Variants in ZNF142 observed in about 807,000 individuals in gnomAD.
ZNF142 encodes zinc finger protein 142, also known as zinc finger protein 142 (clone pHZ-49).
Under a neutral mutation model 132.1 loss-of-function variants are expected in ZNF142, and 96 were observed. The ratio of observed to expected loss-of-function variants is 0.73; its 90% CI spans 0.62 to 0.86. The LOEUF (loss-of-function observed/expected upper bound fraction) is 0.86. ZNF142 is among the 40% of genes least tolerant of loss of function. ZNF142 has a pLI of 0.00. For missense variants in ZNF142, 2,163 were observed against 2,336.2 expected (o/e 0.93, Z 1.53); for synonymous variants, 842 against 890.1 (o/e 0.95, Z 0.96).
In ZNF142 at chr2:218,634,793, A is replaced by C. The variant is rs1300580760; in HGVS notation, c.*3546T>G. Among the ~76,000 whole-genome samples the C allele has an allele frequency of 1.3e-5, 2 of 152,162 alleles. No homozygotes were observed. The highest frequency in any genetic ancestry group is 4.8e-5 in the African/African-American group (2 of 41,438). Reference sequence around the variant, plus strand: ...GCCTAGCTTCAAACCACAACTTCCTAATTGGGTAATGTTGGGCAAGTTCCT... The same window carrying C: ...GCCTAGCTTCAAACCACAACTTCCTCATTGGGTAATGTTGGGCAAGTTCCT... On this transcript the variant is annotated 3_prime_UTR_variant, in exon 11 of 11. Coordinates refer to ENST00000411696, the MANE Select transcript of ZNF142 (RefSeq NM_001379659.1). The surrounding 1 kb of genome is among the most constrained non-coding windows in gnomAD (Gnocchi z 4.0).
In ZNF142 at chr2:218,643,263, C is replaced by G. The variant is rs1158027469; in HGVS notation, c.3853G>C (p.Glu1285Gln). ...DSAPPKNGST[E>Q]SSSGDGDTVL... ...GTATCCCCATCACCAGAGCTGGACT[C>G]TGTACTCCCATTCTTCGGGGGAGCA... Residue 1285 changes from glutamate to glutamine, a missense_variant, in exon 9 of 11, where the codon GAG (glutamate) becomes CAG (glutamine). Glu to Gln is a conservative substitution (Grantham distance 29). Around this residue, in one of 7 missense-constraint regions of ZNF142, gnomAD observed 809 missense variants for 801.7 expected, o/e 1.01. Coordinates refer to ENST00000411696, the MANE Select transcript of ZNF142 (RefSeq NM_001379659.1). 43 of 1,614,124 alleles carry G rather than the reference C, an allele frequency of 2.7e-5. No individual in the cohort carries two copies. The highest frequency in any genetic ancestry group is 3.6e-5 in the Non-Finnish European group (43 of 1,180,050).
At chr2:218,653,762 T>C (rs954201256) in intron 4 of ZNF142, among the ~76,000 whole-genome samples, 3 of 152,198 alleles carry the variant, frequency 2.0e-5, no homozygotes, top group Non-Finnish European at 4.4e-5. Context: ...TACTTTCTTA[T>C]CCAGTTCATG....
At chr2:218,651,436 G>GA (rs1455852626) in intron 5 of ZNF142, among the ~76,000 whole-genome samples, 1 of 152,210 alleles carries the variant, frequency 6.6e-6, no homozygotes, top group African/African-American at 2.4e-5. Flanking sequence ...GATCATTAGA[G>GA]AATATTGGTT....
In ZNF142 at chr2:218,642,223, G is replaced by C; in HGVS notation, c.4893C>G (p.Phe1631Leu). The change falls in exon 9 of 11, where the codon TTC becomes TTG. Residue 1631 changes from phenylalanine to leucine, a missense_variant. Phe to Leu is a conservative substitution (Grantham distance 22, BLOSUM62 0). Coordinates refer to ENST00000411696, the MANE Select transcript of ZNF142 (RefSeq NM_001379659.1). The surrounding 1 kb of genome is among the most constrained non-coding windows in gnomAD (Gnocchi z 4.6). ...QPPLHCPFCDFTCRHQLVLDH... is the reference protein window; with the variant it reads ...QPPLHCPFCDLTCRHQLVLDH... ...CTAGTACCAGCTGATGGCGGCATGT[G>C]AAGTCACAAAAGGGGCAGTGTAGCG... is the stretch of plus-strand genomic sequence containing the variant. 2.5e-6 allele frequency: 4 copies of C among 1,614,224 alleles called. No individual in the cohort carries two copies. Among genetic ancestry groups the C allele is most frequent in the Non-Finnish European group, 3.4e-6 (4 of 1,180,040 alleles).
At chr2:218,650,596 C>G in intron 5 of ZNF142, 70 bp from the exon 6 acceptor site, 1 of 1,403,014 alleles carries the variant, frequency 7.1e-7, no homozygotes, top group South Asian at 1.6e-5. Context: ...TACTTCTCTA[C>G]CTACTGGCTG....
At position 218,635,677 on chromosome 2, in the gene ZNF142, T is replaced by C. The variant is rs1696688472; in HGVS notation, c.*2662A>G. On this transcript the variant is annotated 3_prime_UTR_variant, in exon 11 of 11. Coordinates refer to ENST00000411696, the MANE Select transcript of ZNF142 (RefSeq NM_001379659.1). ...GCAGATAGAATACTAGAAGAAAATA[T>C]ATTACCCATGGAGGATGTTTTACAA... The C allele has an allele frequency of 1.6e-5, 22 of 1,350,154 alleles. No individual in the cohort carries two copies. The South Asian group carries it at 3.4e-4, about 21-fold the overall frequency. 83.6% of individuals were successfully genotyped at this position (1,350,154 alleles called of 1,614,324 possible). A position where few individuals can be genotyped will look rare whatever the true frequency, so the allele number is the denominator to read the frequency against.
intron 7 of ZNF142, among the ~76,000 whole-genome samples, 194 bp downstream of exon 7, chr2:218,648,441 C>T (rs1405093830): frequency 2.0e-5 from 3 of 152,234 alleles, no homozygotes; most frequent in African/African-American, 7.2e-5. Flanking sequence ...AATCAGACTG[C>T]ATGGATTCAA....
intron 7 of ZNF142, among the ~76,000 whole-genome samples, chr2:218,647,331 G>A (rs1255744446): frequency 6.8e-6 from 1 of 146,652 alleles, no homozygotes; most frequent in Admixed American, 7.1e-5. Flanking sequence ...GCTGAGGCAG[G>A]AGAATGGCGT....
Position 218,656,389 on chromosome 2 carries a change from G to A in ZNF142, c.41C>T (p.Thr14Ile), listed in dbSNP as rs759272008. ...AGGGCACAGTCCATCCATCTCCCCG[G>A]TGCTACTGGCTGGCTGTGAGTCCAA... ...PLLDSQPASS[T>I]GEMDGLCPEL... Residue 14 changes from threonine (T) to isoleucine (I), a missense_variant, in exon 4 of 11, where the codon ACC (threonine) becomes ATC (isoleucine). Physicochemically the swap from Thr to Ile is moderately conservative, Grantham distance 89. Transcript: ENST00000411696. The A allele has an allele frequency of 6.9e-7, 1 of 1,450,840 alleles. No homozygotes were observed. Among genetic ancestry groups the A allele is most frequent in the South Asian group, 1.6e-5 (1 of 63,044 alleles). The allele number at this position is 1,450,840 out of a possible 1,614,324, so 89.9% of individuals were successfully genotyped here. A position where few individuals can be genotyped will look rare whatever the true frequency, so the allele number is the denominator to read the frequency against.
chr2:218,647,584 C>G (rs1001262481), intron 7 of ZNF142, among the ~76,000 whole-genome samples: 3 of 152,030 alleles, frequency 2.0e-5, no homozygotes, highest in African/African-American at 7.2e-5. Context: ...TGGGTTTGAG[C>G]AGTCTGTTTC....
chr2:218,636,807 C>T lies in ZNF142; in HGVS notation c.*1532G>A, dbSNP rs1696786353. On this transcript the variant is annotated 3_prime_UTR_variant, in exon 11 of 11. Transcript: ENST00000411696. ...TCATAAGCCTTTGGTATCTTTCCTG[C>T]CCTTTTCCTTTGTGTACTCTATACT... The T allele has an allele frequency of 3.3e-6, 2 of 609,702 alleles. No individual in the cohort carries two copies. The highest frequency in any genetic ancestry group is 6.0e-6 in the Non-Finnish European group (2 of 332,368). The allele number at this position is 609,702 out of a possible 1,614,324, so 37.8% of individuals were successfully genotyped here. A position where few individuals can be genotyped will look rare whatever the true frequency, so the allele number is the denominator to read the frequency against.
chr2:218,639,872 G>A (rs1162067169), intron 10 of ZNF142, among the ~76,000 whole-genome samples: 1 of 150,780 alleles, frequency 6.6e-6, no homozygotes, highest in African/African-American at 2.4e-5. Context: ...TGGCTAACAC[G>A]GTGAAACCCC....
intron 10 of ZNF142, among the ~76,000 whole-genome samples, 164 bp downstream of exon 10, chr2:218,640,500 G>C (rs1290060707): frequency 2.6e-5 from 4 of 152,214 alleles, no homozygotes; most frequent in African/African-American, 9.7e-5. Context: ...CAGGTCTTCA[G>C]TGGGTTGGGG....
At chr2:218,656,877 G>T (rs916224068) in intron 3 of ZNF142, among the ~76,000 whole-genome samples, 1 of 150,844 alleles carries the variant, frequency 6.6e-6, no homozygotes, top group African/African-American at 2.4e-5. Flanking sequence ...GAGTGCAGTG[G>T]CGTGATCTTG....
In ZNF142 at chr2:218,642,980, G is replaced by A. The variant is rs751121599; in HGVS notation, c.4136C>T (p.Thr1379Ile). Residue 1379 changes from threonine (T) to isoleucine (I), a missense_variant, in exon 9 of 11, where the codon ACC becomes ATC. Thr to Ile is a moderately conservative substitution (Grantham distance 89, BLOSUM62 -1). Transcript: ENST00000411696. The surrounding 1 kb of genome is among the most constrained non-coding windows in gnomAD (Gnocchi z 4.6). Reference protein sequence around the residue: ...PHLQCGDCGFTCKQSRCMQQH... With the variant: ...PHLQCGDCGFICKQSRCMQQH... The stretch of plus-strand genomic sequence containing the variant: ...CTGCATGCAACGGCTCTGTTTACAG[G>A]TGAAGCCACAGTCCCCACACTGTAG... 5 of 1,613,070 alleles carry A rather than the reference G, an allele frequency of 3.1e-6. No individual in the cohort carries two copies. The highest frequency in any genetic ancestry group is 4.5e-5 in the East Asian group (2 of 44,862).
chr2:218,641,347 C>T (rs570497933), intron 9 of ZNF142, among the ~76,000 whole-genome samples: 3 of 150,980 alleles, frequency 2.0e-5, no homozygotes, highest in East Asian at 3.9e-4. Flanking sequence ...CCCAGGTTCA[C>T]GCCATTCACC....
At chr2:218,654,583 C>T (rs1056300019) in intron 4 of ZNF142, among the ~76,000 whole-genome samples, 31 of 152,126 alleles carry the variant, frequency 2.0e-4, no homozygotes, top group Admixed American at 1.3e-3. Flanking sequence ...CCAGGCTGGT[C>T]TCAAACTCCT....
Position 218,642,604 on chromosome 2 carries a change from A to T in ZNF142, c.4512T>A (p.His1504Gln). Residue 1504 changes from histidine (H) to glutamine (Q), a missense_variant, in exon 9 of 11, where the codon CAT becomes CAA. Transcript: ENST00000411696. This position sits in a 1 kb window ranked among gnomAD's most constrained non-coding sequence, Gnocchi z 4.6. ...QFSSETALKQ[H>Q]ALRRHPEPAQ... ...CAGGCTCGGGGTGTCGGCGCAGAGC[A>T]TGCTGCTTAAGTGCTGTCTCTGAGC... The T allele has an allele frequency of 6.2e-7, 1 of 1,609,724 alleles. No homozygotes were observed. The highest frequency in any genetic ancestry group is 8.5e-7 in the Non-Finnish European group (1 of 1,178,804).
At chr2:218,641,671 C>G (rs1697207532) in intron 9 of ZNF142, among the ~76,000 whole-genome samples, 1 of 152,130 alleles carries the variant, frequency 6.6e-6, no homozygotes, top group Admixed American at 6.5e-5. Flanking sequence ...TCCTGAGTAG[C>G]TGGGACTACA....
Sources: gnomAD v4.1 joint callset for allele counts (sites outside exome capture counted in the v4.1 genomes callset) on GRCh38, gnomAD v4.1.1 for gene constraint, gnomAD v4.1.1 regional missense constraint, Gnocchi (gnomAD v3.1) non-coding constraint, MANE v1.5 for transcripts, NCBI Gene and HGNC (gene_info 2026-07-23, HGNC 2026-07-21) for gene names.